The following STAM2 variants were observed in gnomAD, a reference collection of about 807,000 sequenced individuals.
STAM2 encodes the protein signal transducing adaptor molecule 2.
Under a neutral mutation model 65.6 loss-of-function variants are expected in STAM2, and 51 were observed. The ratio of observed to expected loss-of-function variants is 0.78; its 90% CI spans 0.62 to 0.98. The LOEUF is 0.98. STAM2 is among the 50% of genes least tolerant of loss of function. STAM2 has a pLI of 0.00. For synonymous variants in STAM2, 198 were observed against 208.4 expected (o/e 0.95, Z 0.43); for missense variants, 584 against 617.8 (o/e 0.95, Z 0.58).
chr2:152,175,620 G>A lies in STAM2; in HGVS notation c.23C>T (p.Pro8Leu), dbSNP rs770883698. 1.1e-5 allele frequency: 18 copies of A among 1,613,948 alleles called. No homozygotes were observed. The highest frequency in any genetic ancestry group is 7.7e-5 in the South Asian group (7 of 91,046). The change falls in exon 1 of 14, where the codon CCC becomes CTC. Residue 8 changes from proline (P) to leucine (L), a missense_variant. By Grantham distance (98) the Pro-to-Leu change is moderately conservative. Transcript: ENST00000263904. MPLFTANPFEQDVEKATN... is the reference protein window; with the variant it reads MPLFTANLFEQDVEKATN... ...GCACTCACCCACGTCTTGCTCGAAG[G>A]GGTTGGCGGTGAACAAAGGCATCTC... is the stretch of plus-strand genomic sequence containing the variant.
intron 2 of STAM2, 45 bp from the exon 3 acceptor site, chr2:152,148,345 A>G (rs750194692): frequency 1.4e-6 from 2 of 1,418,284 alleles, no homozygotes; most frequent in Non-Finnish European, 2.0e-6. Context: ...ATTTACTGAT[A>G]AATTTAATTC....
chr2:152,147,063 G>A (rs1560217243), intron 5 of STAM2, 99 bp downstream of exon 5: 2 of 1,155,080 alleles, frequency 1.7e-6, no homozygotes, highest in East Asian at 2.6e-5. Context: ...AAGTAAAGGT[G>A]GAAAATGATA....
rs1689296929 is a variant in STAM2 at position 152,144,009 on chromosome 2, A to C, written c.522T>G (p.Ile174Met). The C allele has an allele frequency of 1.2e-6, 2 of 1,601,586 alleles. No individual in the cohort carries two copies. Among genetic ancestry groups the C allele is most frequent in the Non-Finnish European group, 1.7e-6 (2 of 1,177,416 alleles). The change falls in exon 7 of 14, where the codon ATT becomes ATG. Residue 174 changes from isoleucine to methionine, a missense_variant. Physicochemically the swap from Ile to Met is conservative, Grantham distance 10. Transcript: ENST00000263904. ...GTTTCTGTTCTTGCAGCGATAATTC[A>C]ATAGCTAGTTTCAAAAATTAAAATG... ...NKEDEDIAKA[I>M]ELSLQEQKQQ...
At chr2:152,139,436 A>C (rs1689207284) in intron 7 of STAM2, among the ~76,000 whole-genome samples, 1 of 152,330 alleles carries the variant, frequency 6.6e-6, no homozygotes, top group African/African-American at 2.4e-5. Flanking sequence ...ACAAAGCTGT[A>C]GTCCCAGCTA....
In STAM2 at chr2:152,146,235, C is replaced by T. The variant is rs888829251; in HGVS notation, c.447+927G>A. Among the ~76,000 whole-genome samples, 7 of 143,732 alleles carry T rather than the reference C, an allele frequency of 4.9e-5. No individual in the cohort carries two copies. In the Admixed American group the frequency reaches 5.0e-4, roughly 10 times the overall value. 94.3% of individuals were successfully genotyped at this position (143,732 alleles called of 152,430 possible). A position where few individuals can be genotyped will look rare whatever the true frequency, so the allele number is the denominator to read the frequency against. ...GCAGTGAGCTGAGGTTGTGCCACTG[C>T]ACTCCAGCCTGGGCAACAAGAGCAA... On this transcript the variant is annotated intron_variant, in intron 5 of 13. Transcript: ENST00000263904.
intron 7 of STAM2, among the ~76,000 whole-genome samples, chr2:152,136,897 T>C (rs4664532): frequency 0.23 from 34,754 of 147,896 alleles, 4,071 homozygotes; most frequent in Admixed American, 0.31. Flanking sequence ...TTTTTCTTTT[T>C]TTTTTTTTTT....
chr2:152,148,314 G>T lies in STAM2; in HGVS notation c.126-14C>A. ...CAATCTTTCGCTCTAAAAAAAAAAA[G>T]AGAGAGAGAGACAGTTAAGTATTTA... On this transcript the variant is annotated splice_polypyrimidine_tract_variant and intron_variant, in intron 2 of 13. Coordinates refer to ENST00000263904, the MANE Select transcript of STAM2 (RefSeq NM_005843.6). 1 of 1,232,292 alleles carries T rather than the reference G, an allele frequency of 8.1e-7. No homozygotes were observed. The highest frequency in any genetic ancestry group is 1.2e-6 in the Non-Finnish European group (1 of 861,470). The allele number at this position is 1,232,292 out of a possible 1,614,324, so 76.3% of individuals were successfully genotyped here. A position where few individuals can be genotyped will look rare whatever the true frequency, so the allele number is the denominator to read the frequency against.
chr2:152,120,750 G>C lies in STAM2; in HGVS notation c.1402C>G (p.Leu468Val), dbSNP rs1227724350. ...GCAGTTGTACCAGTAGCTGACTGTA[G>C]GTTAGAGTTCTGGTTCATATAAGTA... ...NPTYMNQNSN[L>V]QSATGTTAYT... Residue 468 changes from leucine to valine, a missense_variant, in exon 14 of 14, where the codon CTA becomes GTA. By Grantham distance (32) the Leu-to-Val change is conservative. Coordinates refer to ENST00000263904, the MANE Select transcript of STAM2 (RefSeq NM_005843.6). 6.2e-7 allele frequency: 1 copy of C among 1,614,138 alleles called. No individual in the cohort carries two copies. The highest frequency in any genetic ancestry group is 1.6e-4 in the Middle Eastern group (1 of 6,062).
At chr2:152,130,408 C>T (rs367596827) in intron 11 of STAM2, among the ~76,000 whole-genome samples, 3 of 152,000 alleles carry the variant, frequency 2.0e-5, no homozygotes, top group South Asian at 2.1e-4. Flanking sequence ...ACCACCACCA[C>T]GCCCGGCTAA....
chr2:152,153,374 T>C (rs1689482626), intron 1 of STAM2, among the ~76,000 whole-genome samples: 1 of 151,848 alleles, frequency 6.6e-6, no homozygotes, highest in Admixed American at 6.6e-5. Flanking sequence ...GTAATTTCTT[T>C]TTTTTTTTTA....
At chr2:152,158,788 A>G (rs533902695) in intron 1 of STAM2, among the ~76,000 whole-genome samples, 2 of 152,170 alleles carry the variant, frequency 1.3e-5, no homozygotes, top group South Asian at 4.1e-4. Context: ...GTGTCCTTAC[A>G]TGGCAGAAGG....
At chr2:152,122,063 T>C (rs976491425) in intron 13 of STAM2, among the ~76,000 whole-genome samples, 4 of 134,972 alleles carry the variant, frequency 3.0e-5, no homozygotes, top group African/African-American at 5.7e-5. Context: ...AAAAAATATA[T>C]ATATATATAT....
intron 1 of STAM2, among the ~76,000 whole-genome samples, chr2:152,159,384 T>TC (rs1689617061): frequency 6.6e-6 from 1 of 151,760 alleles, no homozygotes; most frequent in South Asian, 2.1e-4. Flanking sequence ...ATGAGTAGAA[T>TC]TAATTTGCAT....
chr2:152,118,732 T>C lies in STAM2; in HGVS notation c.*1842A>G, dbSNP rs1259622724. 2 of 151,970 alleles carry C rather than the reference T, an allele frequency of 1.3e-5. No individual in the cohort carries two copies. The highest frequency in any genetic ancestry group is 1.3e-4 in the Admixed American group (2 of 15,268). 9.4% of individuals were successfully genotyped at this position (151,970 alleles called of 1,614,324 possible). A position where few individuals can be genotyped will look rare whatever the true frequency, so the allele number is the denominator to read the frequency against. On this transcript the variant is annotated 3_prime_UTR_variant, in exon 14 of 14. Coordinates refer to ENST00000263904, the MANE Select transcript of STAM2 (RefSeq NM_005843.6). The stretch of plus-strand genomic sequence containing the variant: ...TAAATGTTTTTTAAAAATTATTATT[T>C]TGTAAATAACAGAAGATTTGTTTCC...
intron 8 of STAM2, 104 bp downstream of exon 8, chr2:152,135,405 A>T: frequency 1.2e-6 from 1 of 826,956 alleles, no homozygotes; most frequent in Non-Finnish European, 2.0e-6. Context: ...GAAATGATTT[A>T]AAACAAAAGT....
chr2:152,142,478 C>G (rs1689266112), intron 7 of STAM2, among the ~76,000 whole-genome samples: 1 of 152,142 alleles, frequency 6.6e-6, no homozygotes, highest in Admixed American at 6.5e-5. Context: ...ACATTTCAGA[C>G]TGTCAGTGTT....
At chr2:152,168,097 T>C (rs929809203) in intron 1 of STAM2, among the ~76,000 whole-genome samples, 9 of 152,090 alleles carry the variant, frequency 5.9e-5, no homozygotes, top group Non-Finnish European at 1.3e-4. Context: ...AATAGGTGGT[T>C]AGAACCATCA....
chr2:152,151,878 T>C (rs1241514830), intron 1 of STAM2, among the ~76,000 whole-genome samples: 2 of 152,224 alleles, frequency 1.3e-5, no homozygotes, highest in African/African-American at 4.8e-5. Flanking sequence ...TAATATTCCA[T>C]TGTATAGATA....
Position 152,129,677 on chromosome 2 carries a change from T to C in STAM2, c.1025+2437A>G, listed in dbSNP as rs139311520. ...ATCCGTGCACTCAACCAACTTCAAA[T>C]TGAAAATACAAAAAATTAAAAAAAA... On this transcript the variant is annotated intron_variant, in intron 11 of 13. Coordinates refer to ENST00000263904, the MANE Select transcript of STAM2 (RefSeq NM_005843.6). 4.2e-3 allele frequency among the ~76,000 whole-genome samples: 635 copies of C among 152,202 alleles called. 4 individuals are homozygous for C. The highest frequency in any genetic ancestry group is 6.8e-3 in the Middle Eastern group (2 of 294).
Sources: allele counts gnomAD v4.1 joint callset (sites outside exome capture counted in the v4.1 genomes callset), GRCh38; gene constraint gnomAD v4.1.1; transcripts MANE v1.5; gene names NCBI Gene and HGNC (gene_info 2026-07-23, HGNC 2026-07-21).